TMPRSS15: variants seen among roughly 807,000 people sequenced by gnomAD.
TMPRSS15 encodes transmembrane serine protease 15.
TMPRSS15 carries 128 observed loss-of-function variants against 125.3 expected under a neutral mutation model. That is an observed-to-expected ratio of 1.02 (90% CI 0.89 to 1.18). The LOEUF (loss-of-function observed/expected upper bound fraction) is 1.18. Among genes scored for constraint, TMPRSS15 ranks in the 50% most tolerant of loss-of-function variants. The probability of loss-of-function intolerance (pLI) is 0.00; values close to 1 mark genes in which losing one functional copy is unlikely to be tolerated. For synonymous variants in TMPRSS15, 446 were observed against 423.2 expected, an observed-to-expected ratio of 1.05 and a Z score of -0.66; for missense variants, 1,283 against 1,212.7, an observed-to-expected ratio of 1.06 and a Z score of -0.86.
chr21:18,315,497 A>G, intron 16 of TMPRSS15, among the ~76,000 whole-genome samples: 1 of 48,766 alleles, frequency 2.1e-5, no homozygotes. Flanking sequence ...ATAATAAAAT[A>G]TATATATATA....
In TMPRSS15 at chr21:18,275,255, T is replaced by C; in HGVS notation, c.2846A>G (p.Asn949Ser). Residue 949 changes from asparagine (N) to serine (S), a missense_variant, in exon 24 of 25, where the codon AAC becomes AGC. By Grantham distance (46) the Asn-to-Ser change is conservative. Transcript: ENST00000284885. ...ERCQQQMPEY[N>S]ITENMICAGY... The stretch of plus-strand genomic sequence containing the variant: ...TGCACATATCATATTTTCAGTAATG[T>C]TATATTCTGGCATCTGCTGTTGGCA... The C allele has an allele frequency of 6.2e-7, 1 of 1,614,020 alleles. No individual in the cohort carries two copies. Among genetic ancestry groups the C allele is most frequent in the Non-Finnish European group, 8.5e-7 (1 of 1,179,916 alleles).
chr21:18,478,883 T>C (rs1433769917), intron 1 of TMPRSS15, among the ~76,000 whole-genome samples: 1 of 152,008 alleles, frequency 6.6e-6, no homozygotes. Flanking sequence ...TTCTCTACTA[T>C]AAAATTCCTA....
Position 18,353,720 on chromosome 21 carries a change from T to G in TMPRSS15, c.1021+3A>C, listed in dbSNP as rs2075595797. ...AAAAAGCCAAAAAATAAATAATACTTACTATTAAGCTCACTGCTGTTAAAT... is the reference window on the plus strand; with the variant it reads ...AAAAAGCCAAAAAATAAATAATACTGACTATTAAGCTCACTGCTGTTAAAT... On this transcript the variant is annotated splice_donor_region_variant and intron_variant, in intron 9 of 24. Coordinates refer to ENST00000284885, the MANE Select transcript of TMPRSS15 (RefSeq NM_002772.3). 1 of 1,608,284 alleles carries G rather than the reference T, an allele frequency of 6.2e-7. No homozygotes were observed. Among genetic ancestry groups the G allele is most frequent in the East Asian group, 2.2e-5 (1 of 44,636 alleles).
intron 1 of TMPRSS15, among the ~76,000 whole-genome samples, chr21:18,423,988 AC>A (rs1246462608): frequency 8.5e-5 from 13 of 152,138 alleles, no homozygotes; most frequent in Admixed American, 4.6e-4. Context: ...CATAAAGGAG[AC>A]ATTCAAGAGT....
chr21:18,388,318 G>A (rs1405352194), intron 3 of TMPRSS15, among the ~76,000 whole-genome samples: 2 of 152,004 alleles, frequency 1.3e-5, no homozygotes, highest in African/African-American at 4.8e-5. Context: ...CAATCCCTAA[G>A]CTCAAATAAT....
chr21:18,285,330 G>T (rs1021525054), intron 21 of TMPRSS15, among the ~76,000 whole-genome samples: 23 of 152,298 alleles, frequency 1.5e-4, no homozygotes, highest in African/African-American at 5.1e-4. Flanking sequence ...GACTTTCAAT[G>T]CAGTAGAAAG....
intron 1 of TMPRSS15, among the ~76,000 whole-genome samples, chr21:18,447,486 A>T (rs2076258261): frequency 6.6e-6 from 1 of 151,088 alleles, no homozygotes; most frequent in Non-Finnish European, 1.5e-5. Flanking sequence ...CAAGTATATT[A>T]AAAATGGTCA....
intron 13 of TMPRSS15, among the ~76,000 whole-genome samples, chr21:18,338,035 T>A (rs2075409472): frequency 6.6e-6 from 1 of 152,162 alleles, no homozygotes; most frequent in Non-Finnish European, 1.5e-5. Flanking sequence ...TTCCCTATTG[T>A]TAAAATAGAC....
At chr21:18,340,031 C>T (rs965296075) in intron 13 of TMPRSS15, among the ~76,000 whole-genome samples, 10 of 152,114 alleles carry the variant, frequency 6.6e-5, no homozygotes, top group Non-Finnish European at 1.5e-4. Flanking sequence ...TATGCCAAAG[C>T]CTTACAAAGG....
chr21:18,366,271 T>C (rs982745759), intron 6 of TMPRSS15, among the ~76,000 whole-genome samples: 1 of 152,202 alleles, frequency 6.6e-6, no homozygotes, highest in Non-Finnish European at 1.5e-5. Context: ...TTAGTACTAG[T>C]GGCCTATACA....
intron 8 of TMPRSS15, among the ~76,000 whole-genome samples, chr21:18,357,904 A>T (rs2075641323): frequency 1.3e-5 from 2 of 151,690 alleles, no homozygotes; most frequent in African/African-American, 4.8e-5. Context: ...AAAATTTAAC[A>T]CCCAATACAC....
intron 1 of TMPRSS15, among the ~76,000 whole-genome samples, chr21:18,466,855 T>G (rs953961628): frequency 2.1e-4 from 32 of 152,292 alleles, no homozygotes; most frequent in Admixed American, 6.5e-4. Flanking sequence ...GTCTGGAGAT[T>G]CCTCTAGGAT....
intron 22 of TMPRSS15, among the ~76,000 whole-genome samples, chr21:18,279,311 C>CT (rs71189593): frequency 0.097 from 3,953 of 40,918 alleles, 1,407 homozygotes; most frequent in Middle Eastern, 0.15. Context: ...CCTCGTTACT[C>CT]TTTTTTTTTT....
At chr21:18,427,784 T>C (rs1470347068) in intron 1 of TMPRSS15, among the ~76,000 whole-genome samples, 3 of 152,252 alleles carry the variant, frequency 2.0e-5, no homozygotes, top group Non-Finnish European at 4.4e-5. Context: ...AAACATTTTT[T>C]TCCCAAATGT....
chr21:18,446,991 A>G (rs1342552991), intron 1 of TMPRSS15, among the ~76,000 whole-genome samples: 1 of 152,258 alleles, frequency 6.6e-6, no homozygotes, highest in Admixed American at 6.5e-5. Flanking sequence ...AAGAGTGAAG[A>G]CACAACTTAC....
chr21:18,415,611 C>T (rs1346725865), intron 1 of TMPRSS15, among the ~76,000 whole-genome samples: 1 of 152,040 alleles, frequency 6.6e-6, no homozygotes, highest in Non-Finnish European at 1.5e-5. Context: ...AGAAATTATA[C>T]TTCCTTACCC....
chr21:18,353,973 A>G, intron 8 of TMPRSS15, 110 bp from the exon 9 acceptor site: 2 of 987,436 alleles, frequency 2.0e-6, no homozygotes, highest in Non-Finnish European at 3.1e-6. Context: ...ATCTATACAA[A>G]TATCTATCTG....
chr21:18,316,536 G>C (rs950595582), intron 16 of TMPRSS15, among the ~76,000 whole-genome samples: 3 of 152,196 alleles, frequency 2.0e-5, no homozygotes, highest in Admixed American at 6.5e-5. Flanking sequence ...TCGGTAATGT[G>C]AAAAGAAGTT....
chr21:18,445,541 T>G (rs879504667), intron 1 of TMPRSS15, among the ~76,000 whole-genome samples: 12 of 152,126 alleles, frequency 7.9e-5, no homozygotes, highest in Non-Finnish European at 1.8e-4. Flanking sequence ...ATTCCATATC[T>G]TCACTATCAT....
Sources: allele counts gnomAD v4.1 joint callset (sites outside exome capture counted in the v4.1 genomes callset), GRCh38; gene constraint gnomAD v4.1.1; transcripts MANE v1.5; gene names NCBI Gene and HGNC (gene_info 2026-07-23, HGNC 2026-07-21).